SLC6A15: variants seen among roughly 807,000 people sequenced by gnomAD.
SLC6A15 encodes the protein solute carrier family 6 member 15.
SLC6A15 carries 33 observed loss-of-function variants against 68.5 expected under a neutral mutation model. That is an observed-to-expected ratio of 0.48 (90% CI 0.37 to 0.64). The LOEUF (loss-of-function observed/expected upper bound fraction) is 0.64, where lower values mean the gene tolerates loss of function less well. SLC6A15 is among the 30% of genes least tolerant of loss of function. The pLI is 0.00. For missense variants in SLC6A15, 747 were observed against 874.3 expected (o/e 0.85, Z 1.84); for synonymous variants, 347 against 301.0 (o/e 1.15, Z -1.58).
intron 5 of SLC6A15, chr12:84,883,109 G>A: frequency 1.0e-6 from 1 of 980,898 alleles, no homozygotes; most frequent in Non-Finnish European, 1.2e-6. Flanking sequence ...CTATGATCCA[G>A]CCAAGAGATG....
chr12:84,872,890 G>A (rs1871351419), intron 7 of SLC6A15, 96 bp from the exon 8 acceptor site: 2 of 1,204,600 alleles, frequency 1.7e-6, no homozygotes, highest in Non-Finnish European at 2.3e-6. Context: ...AATGAGCAAT[G>A]TTCCCAACAC....
intron 4 of SLC6A15, among the ~76,000 whole-genome samples, chr12:84,884,871 T>C (rs1872011823): frequency 6.6e-6 from 1 of 151,932 alleles, no homozygotes; most frequent in South Asian, 2.1e-4. Context: ...ATATAATAGA[T>C]TAAGTAAAAT....
intron 5 of SLC6A15, among the ~76,000 whole-genome samples, chr12:84,877,305 C>T (rs1263163068): frequency 1.3e-5 from 2 of 152,180 alleles, no homozygotes; most frequent in African/African-American, 2.4e-5. Flanking sequence ...AATGGCCCCA[C>T]CCTCCATCCC....
At chr12:84,867,391 A>C (rs1303208433) in intron 9 of SLC6A15, 198 bp from the exon 10 acceptor site, 2 of 341,890 alleles carry the variant, frequency 5.8e-6, no homozygotes, top group Non-Finnish European at 1.0e-5. Flanking sequence ...CATTCATACA[A>C]ATTTATTCTA....
rs376070000 is a variant in SLC6A15 at position 84,901,345 on chromosome 12, T to G, written c.-188-9037A>C. ...TTTTACTTTTGGTAAGCCATCTTTT[T>G]GAAGGATTTGTCCATTTTATGTAAG... On this transcript the variant is annotated intron_variant, in intron 1 of 11. Transcript: ENST00000266682. Among the ~76,000 whole-genome samples, 244 of 151,946 alleles carry G rather than the reference T, an allele frequency of 1.6e-3. 4 individuals carry two copies. The South Asian group carries it at 0.04, about 25-fold the overall frequency.
At chr12:84,902,974 T>A (rs1872954897) in intron 1 of SLC6A15, among the ~76,000 whole-genome samples, 1 of 152,096 alleles carries the variant, frequency 6.6e-6, no homozygotes, top group Non-Finnish European at 1.5e-5. Flanking sequence ...TTCACAGAGC[T>A]ATAAACGTGG....
chr12:84,873,055 G>GA (rs1871357869), intron 7 of SLC6A15, 32 bp downstream of exon 7: 4 of 1,598,928 alleles, frequency 2.5e-6, no homozygotes, highest in Non-Finnish European at 1.7e-6. Flanking sequence ...TAAAAACTAA[G>GA]AAAAAAGGCA....
At position 84,860,572 on chromosome 12, in the gene SLC6A15, G is replaced by T. The variant is rs554947900; in HGVS notation, c.*1060C>A. 30 of 152,176 alleles carry T rather than the reference G, an allele frequency of 2.0e-4. No individual in the cohort carries two copies. The highest frequency in any genetic ancestry group is 6.3e-4 in the African/African-American group (26 of 41,540). 9.4% of individuals were successfully genotyped at this position (152,176 alleles called of 1,614,324 possible). On this transcript the variant is annotated 3_prime_UTR_variant, in exon 12 of 12. Coordinates refer to ENST00000266682, the MANE Select transcript of SLC6A15 (RefSeq NM_182767.6). Reference sequence around the variant, plus strand: ...TTGGAATGTGATGTTTAGTTATTATGAAATGTCTAAGTGCTGACTGAAATG... The same window carrying T: ...TTGGAATGTGATGTTTAGTTATTATTAAATGTCTAAGTGCTGACTGAAATG...
intron 2 of SLC6A15, among the ~76,000 whole-genome samples, chr12:84,889,016 T>C (rs899655384): frequency 6.6e-6 from 1 of 152,140 alleles, no homozygotes; most frequent in African/African-American, 2.4e-5. Context: ...CCCTTGAAGA[T>C]CCTCATTCCG....
chr12:84,904,794 C>G (rs538766283), intron 1 of SLC6A15, among the ~76,000 whole-genome samples: 2 of 152,218 alleles, frequency 1.3e-5, no homozygotes, highest in East Asian at 3.9e-4. Flanking sequence ...TGAGAGAATA[C>G]TAACAAAAAC....
chr12:84,874,731 G>A (rs376706305), intron 6 of SLC6A15, among the ~76,000 whole-genome samples: 106 of 152,070 alleles, frequency 7.0e-4, no homozygotes, highest in African/African-American at 2.5e-3. Context: ...GTCTATCTCT[G>A]CTTTAGCCAC....
At chr12:84,878,496 T>C (rs1165831251) in intron 5 of SLC6A15, among the ~76,000 whole-genome samples, 4 of 152,140 alleles carry the variant, frequency 2.6e-5, no homozygotes, top group Non-Finnish European at 5.9e-5. Context: ...TTTATGTTTT[T>C]AAACAAAACT....
intron 11 of SLC6A15, among the ~76,000 whole-genome samples, chr12:84,862,884 G>A (rs1161209579): frequency 2.0e-5 from 3 of 152,022 alleles, no homozygotes; most frequent in African/African-American, 7.3e-5. Context: ...TCAACTCCTA[G>A]GCTCAAGCTA....
chr12:84,864,376 G>A (rs936704396), intron 10 of SLC6A15, among the ~76,000 whole-genome samples: 1 of 144,244 alleles, frequency 6.9e-6, no homozygotes, highest in Non-Finnish European at 1.5e-5. Flanking sequence ...CTGGAGTACA[G>A]TGGCACAATC....
At chr12:84,894,903 G>A (rs973543573) in intron 1 of SLC6A15, among the ~76,000 whole-genome samples, 3 of 151,842 alleles carry the variant, frequency 2.0e-5, no homozygotes, top group South Asian at 4.1e-4. Flanking sequence ...TACAGATATC[G>A]TATAACAACT....
Position 84,870,657 on chromosome 12 carries a change from G to A in SLC6A15, c.1316C>T (p.Thr439Ile). ...TGTAAAGGCAATAAAAGCTAAGCCG[G>A]TCCCCTGAACAGCCTGCAAAATACA... ...EEELNKAVQG[T>I]GLAFIAFTEA... is the part of the protein sequence containing the mutation. Residue 439 changes from threonine to isoleucine, a missense_variant, in exon 9 of 12, where the codon ACC becomes ATC. Thr to Ile is a moderately conservative substitution (Grantham distance 89). Coordinates refer to ENST00000266682, the MANE Select transcript of SLC6A15 (RefSeq NM_182767.6). 1 of 1,609,726 alleles carries A rather than the reference G, an allele frequency of 6.2e-7. No homozygotes were observed. The highest frequency in any genetic ancestry group is 8.5e-7 in the Non-Finnish European group (1 of 1,177,656).
chr12:84,884,140 A>T, intron 4 of SLC6A15, 100 bp from the exon 5 acceptor site: 1 of 911,018 alleles, frequency 1.1e-6, no homozygotes, highest in Non-Finnish European at 1.7e-6. Flanking sequence ...AATGCTTCCT[A>T]GAAAAGTACT....
intron 1 of SLC6A15, among the ~76,000 whole-genome samples, chr12:84,906,864 A>G (rs761064155): frequency 5.9e-5 from 9 of 152,164 alleles, no homozygotes; most frequent in Non-Finnish European, 1.2e-4. Flanking sequence ...ATCTAGGGTT[A>G]ACCAAAGAGC....
At chr12:84,880,776 A>G (rs1364376653) in intron 5 of SLC6A15, 2 of 471,930 alleles carry the variant, frequency 4.2e-6, no homozygotes, top group Non-Finnish European at 5.5e-6. Flanking sequence ...AGACTATTTT[A>G]TCTTTCAAAA....
Sources: allele counts gnomAD v4.1 joint callset (sites outside exome capture counted in the v4.1 genomes callset), GRCh38; gene constraint gnomAD v4.1.1; transcripts MANE v1.5; gene names NCBI Gene and HGNC (gene_info 2026-07-23, HGNC 2026-07-21).